The following RABEP1 variants were observed in gnomAD, a reference collection of about 807,000 sequenced individuals.
The protein encoded by RABEP1 is rab GTPase-binding effector protein 1.
Under a neutral mutation model 123.4 loss-of-function variants are expected in RABEP1, and 51 were observed. The observed-to-expected ratio is 0.41, with a 90% confidence interval of 0.33 to 0.52. RABEP1 has a LOEUF of 0.52. Among genes scored for constraint, RABEP1 ranks in the 20% least tolerant of loss-of-function variants. The probability of loss-of-function intolerance (pLI) is 0.16; values close to 1 mark genes in which losing one functional copy is unlikely to be tolerated. For missense variants in RABEP1, 888 were observed against 996.3 expected (o/e 0.89, Z 1.46); for synonymous variants, 347 against 355.2 (o/e 0.98, Z 0.26).
chr17:5,289,691 G>A (rs1479913532), intron 1 of RABEP1, among the ~76,000 whole-genome samples: 5 of 152,084 alleles, frequency 3.3e-5, no homozygotes, highest in Non-Finnish European at 7.3e-5. Flanking sequence ...GAACAGTCTC[G>A]CTTCCAGGGC....
intron 2 of RABEP1, among the ~76,000 whole-genome samples, chr17:5,320,437 A>G (rs1317592808): frequency 3.4e-5 from 5 of 148,878 alleles, no homozygotes; most frequent in East Asian, 2.0e-4. Flanking sequence ...AAAAAAAAAA[A>G]AAAAAAAGAA....
chr17:5,380,401 A>T lies in RABEP1; in HGVS notation c.2309A>T (p.Glu770Val), dbSNP rs201050515. 81 of 1,574,114 alleles carry T rather than the reference A, an allele frequency of 5.1e-5. No homozygotes were observed. The Admixed American group carries it at 9.1e-4, about 18-fold the overall frequency. Residue 770 changes from glutamate (E) to valine (V), a missense_variant, in exon 16 of 18, where the codon GAG becomes GTG. Transcript: ENST00000537505. The stretch of plus-strand genomic sequence containing the variant: ...TTAAGAGAGAAGTCTCAACAGCTTG[A>T]GAGTCTTCAGGAAATAAAGATCAGT... ...STLREKSQQL[E>V]SLQEIKISLE...
At chr17:5,327,842 A>G (rs1445769175) in intron 2 of RABEP1, among the ~76,000 whole-genome samples, 1 of 152,244 alleles carries the variant, frequency 6.6e-6, no homozygotes, top group Non-Finnish European at 1.5e-5. Context: ...TATAGAACAG[A>G]GTTCCCCAAA....
chr17:5,282,436 A>G lies in RABEP1; in HGVS notation c.-51A>G, dbSNP rs2144411074. ...CCGCCAGCTGAGCCCGCGGGAGCCCAGGACGCCGCTTCCCCGCCCATCCCC... is the reference window on the plus strand; with the variant it reads ...CCGCCAGCTGAGCCCGCGGGAGCCCGGGACGCCGCTTCCCCGCCCATCCCC... On this transcript the variant is annotated 5_prime_UTR_variant, in exon 1 of 18. Coordinates refer to ENST00000537505, the MANE Select transcript of RABEP1 (RefSeq NM_004703.6). The G allele has an allele frequency of 7.6e-7, 1 of 1,307,218 alleles. No individual in the cohort carries two copies. The highest frequency in any genetic ancestry group is 1.0e-6 in the Non-Finnish European group (1 of 1,002,614). 81.0% of individuals were successfully genotyped at this position (1,307,218 alleles called of 1,614,324 possible). A position where few individuals can be genotyped will look rare whatever the true frequency, so the allele number is the denominator to read the frequency against.
intron 1 of RABEP1, among the ~76,000 whole-genome samples, chr17:5,303,251 AT>A (rs1051891114): frequency 6.6e-6 from 1 of 151,368 alleles, no homozygotes; most frequent in African/African-American, 2.4e-5. Flanking sequence ...ATTTTATTTT[AT>A]TTTTTTTGAG....
At chr17:5,283,410 CCTT>C (rs1293376877) in intron 1 of RABEP1, among the ~76,000 whole-genome samples, 1 of 152,086 alleles carries the variant, frequency 6.6e-6, no homozygotes, top group Non-Finnish European at 1.5e-5. Context: ...CCCTTCGTGA[CCTT>C]CTGGGAAATT....
intron 1 of RABEP1, among the ~76,000 whole-genome samples, chr17:5,307,973 A>G (rs2075196163): frequency 6.6e-6 from 1 of 152,178 alleles, no homozygotes; most frequent in African/African-American, 2.4e-5. Context: ...TAGTTAGGGA[A>G]CCTATTAGAT....
In RABEP1 at chr17:5,380,459, T is replaced by C; in HGVS notation, c.2367T>C (p.Ala789=). 6.5e-7 allele frequency: 1 copy of C among 1,534,866 alleles called. No homozygotes were observed. Among genetic ancestry groups the C allele is most frequent in the Non-Finnish European group, 8.9e-7 (1 of 1,129,510 alleles). Residue 789 remains alanine (A), a synonymous_variant, in exon 16 of 18, where the codon GCT becomes GCC. Transcript: ENST00000537505. ...LEEQLKKETA[A]KATVEQLMFE... is the part of the protein sequence containing the mutation. ...AGCAGTTAAAGAAAGAGACTGCTGCTAAGGTAGTGTTTTCATTAGTCATTT... is the reference window on the plus strand; with the variant it reads ...AGCAGTTAAAGAAAGAGACTGCTGCCAAGGTAGTGTTTTCATTAGTCATTT...
At chr17:5,323,759 AATAT>A (rs773956696) in intron 2 of RABEP1, among the ~76,000 whole-genome samples, 3 of 66,014 alleles carry the variant, frequency 4.5e-5, no homozygotes, top group South Asian at 3.9e-4. Flanking sequence ...TATATCTAGG[AATAT>A]ATATATATAT....
intron 2 of RABEP1, among the ~76,000 whole-genome samples, chr17:5,322,933 G>A (rs1028556013): frequency 2.0e-5 from 3 of 152,112 alleles, no homozygotes; most frequent in South Asian, 2.1e-4. Context: ...AAAATTAGCC[G>A]GGCATGGTGG....
chr17:5,362,768 A>G, intron 9 of RABEP1, 144 bp from the exon 10 acceptor site: 1 of 609,368 alleles, frequency 1.6e-6, no homozygotes, highest in Non-Finnish European at 3.0e-6. Flanking sequence ...CTGACCCTAT[A>G]TTGTAACTTT....
chr17:5,370,112 C>T (rs1198321101), intron 12 of RABEP1, among the ~76,000 whole-genome samples: 2 of 152,144 alleles, frequency 1.3e-5, no homozygotes, highest in African/African-American at 4.8e-5. Context: ...GGTTGAGGTC[C>T]TATGAACTCC....
At chr17:5,296,656 T>C (rs2075086613) in intron 1 of RABEP1, among the ~76,000 whole-genome samples, 2 of 152,262 alleles carry the variant, frequency 1.3e-5, no homozygotes, top group South Asian at 4.1e-4. Flanking sequence ...GAAAATATTC[T>C]CTGAACATTT....
intron 1 of RABEP1, among the ~76,000 whole-genome samples, chr17:5,304,858 T>C (rs1465235373): frequency 6.6e-6 from 1 of 152,218 alleles, no homozygotes; most frequent in Admixed American, 6.5e-5. Flanking sequence ...ATCTTGAGGT[T>C]GGAAGTGACT....
At position 5,310,301 on chromosome 17, in the gene RABEP1, C is replaced by CTTTT. The variant is rs11432831; in HGVS notation, c.163+1494_163+1497dup. ...TTACAATTTAAATGAAAGCTTCGTC[C>CTTTT]TTTTTTTTTTTTTTTTTTGAGATGG... On this transcript the variant is annotated intron_variant, in intron 2 of 17. Transcript: ENST00000537505. Among the ~76,000 whole-genome samples, 68 of 126,406 alleles carry CTTTT rather than the reference C, an allele frequency of 5.4e-4. 13 individuals carry two copies. Among genetic ancestry groups the CTTTT allele is most frequent in the Admixed American group, 7.4e-4 (9 of 12,220 alleles). 82.9% of individuals were successfully genotyped at this position (126,406 alleles called of 152,430 possible). A position where few individuals can be genotyped will look rare whatever the true frequency, so the allele number is the denominator to read the frequency against.
In RABEP1 at chr17:5,350,482, A is replaced by G. The variant is rs768351487; in HGVS notation, c.816A>G (p.Gln272=). 3 of 1,614,088 alleles carry G rather than the reference A, an allele frequency of 1.9e-6. No homozygotes were observed. Among genetic ancestry groups the G allele is most frequent in the Non-Finnish European group, 2.5e-6 (3 of 1,179,986 alleles). The change falls in exon 7 of 18, where the codon CAA becomes CAG. Residue 272 remains glutamine, a synonymous_variant. Transcript: ENST00000537505. ...VCHLLEQERQ[Q]HNQLKHTWQK... ...ATCTCTTGGAGCAAGAGCGACAACA[A>G]CACAACCAGTTAAAACATACGTGGC...
chr17:5,308,440 G>A (rs554568589), intron 1 of RABEP1, among the ~76,000 whole-genome samples: 7 of 152,254 alleles, frequency 4.6e-5, no homozygotes, highest in South Asian at 4.1e-4. Context: ...CGGCCAGGCT[G>A]GTCTCGAACT....
At chr17:5,338,205 A>G (rs1309198747) in intron 5 of RABEP1, 67 bp downstream of exon 5, 1 of 1,493,182 alleles carries the variant, frequency 6.7e-7, no homozygotes, top group South Asian at 1.3e-5. Flanking sequence ...GAACAAAATT[A>G]GAATCAGTAA....
intron 1 of RABEP1, among the ~76,000 whole-genome samples, chr17:5,289,418 CCT>C (rs1491342039): frequency 5.7e-5 from 8 of 140,758 alleles, no homozygotes; most frequent in African/African-American, 2.1e-4. Flanking sequence ...GTAGATCTGA[CCT>C]TTTTTTTTTT....
Sources: gnomAD v4.1 joint callset for allele counts (sites outside exome capture counted in the v4.1 genomes callset) on GRCh38, gnomAD v4.1.1 for gene constraint, MANE v1.5 for transcripts, NCBI Gene and HGNC (gene_info 2026-07-23, HGNC 2026-07-21) for gene names.